The following RALGPS1 variants were observed in gnomAD, a reference collection of about 807,000 sequenced individuals.
The protein encoded by RALGPS1 is Ral GEF with PH domain and SH3 binding motif 1.
Under a neutral mutation model 78.8 loss-of-function variants are expected in RALGPS1, and 19 were observed. The ratio of observed to expected loss-of-function variants is 0.24; its 90% CI spans 0.17 to 0.35. The LOEUF (loss-of-function observed/expected upper bound fraction) is 0.35, where lower values mean the gene tolerates loss of function less well. Ranked by LOEUF, RALGPS1 falls within the 10% of genes least tolerant of loss-of-function variation. The pLI is 1.00. For synonymous variants in RALGPS1, 228 were observed against 256.3 expected, an observed-to-expected ratio of 0.89 and a Z score of 1.06; for missense variants, 454 against 688.3, an observed-to-expected ratio of 0.66 and a Z score of 3.81.
At chr9:127,173,935 C>T (rs543537246) in intron 10 of RALGPS1, among the ~76,000 whole-genome samples, 33 of 152,118 alleles carry the variant, frequency 2.2e-4, no homozygotes, top group Non-Finnish European at 4.0e-4. Context: ...ATCGCTTGAA[C>T]CTGGGAGGCA....
At chr9:127,005,831 G>T (rs1471091245) in intron 4 of RALGPS1, among the ~76,000 whole-genome samples, 1 of 152,118 alleles carries the variant, frequency 6.6e-6, no homozygotes, top group African/African-American at 2.4e-5. Flanking sequence ...CTGAAAAGTG[G>T]GCATTTTTAG....
intron 14 of RALGPS1, among the ~76,000 whole-genome samples, chr9:127,206,036 CA>C (rs2061912701): frequency 6.6e-6 from 1 of 152,250 alleles, no homozygotes; most frequent in African/African-American, 2.4e-5. Flanking sequence ...CTAGAAGGGA[CA>C]ACCCAGGGCC....
At chr9:126,992,719 T>C (rs1026856712) in intron 4 of RALGPS1, among the ~76,000 whole-genome samples, 1 of 152,230 alleles carries the variant, frequency 6.6e-6, no homozygotes, top group South Asian at 2.1e-4. Flanking sequence ...TCTTCTCTAA[T>C]TTATTTTAGT....
chr9:127,057,789 C>T (rs370867926), intron 7 of RALGPS1, among the ~76,000 whole-genome samples: 1 of 152,136 alleles, frequency 6.6e-6, no homozygotes, highest in South Asian at 2.1e-4. Context: ...TAGTCAAGGC[C>T]CCTGTCCTCA....
At chr9:127,075,605 GT>G (rs2050604712) in intron 8 of RALGPS1, among the ~76,000 whole-genome samples, 2 of 152,336 alleles carry the variant, frequency 1.3e-5, no homozygotes, top group Non-Finnish European at 2.9e-5. Context: ...GAAACCATTT[GT>G]TTTTTCTCTG....
intron 1 of RALGPS1, among the ~76,000 whole-genome samples, chr9:126,958,092 C>T (rs1397348086): frequency 2.1e-5 from 3 of 142,776 alleles, no homozygotes; most frequent in Non-Finnish European, 4.5e-5. Context: ...GATTGCAGCA[C>T]TGCACTCCAA....
At chr9:127,039,824 G>A (rs917213620) in intron 5 of RALGPS1, among the ~76,000 whole-genome samples, 14 of 152,110 alleles carry the variant, frequency 9.2e-5, no homozygotes, top group African/African-American at 3.4e-4. Context: ...ATGGGTTTGG[G>A]GAAAGCTTGA....
At chr9:127,144,074 C>T (rs953203874) in intron 8 of RALGPS1, among the ~76,000 whole-genome samples, 1 of 152,218 alleles carries the variant, frequency 6.6e-6, no homozygotes, top group African/African-American at 2.4e-5. Context: ...GGTGCTGAAG[C>T]CTGGAACCCT....
At chr9:127,036,945 T>C (rs1250265008) in intron 5 of RALGPS1, among the ~76,000 whole-genome samples, 3 of 152,204 alleles carry the variant, frequency 2.0e-5, no homozygotes, top group Middle Eastern at 3.2e-3. Flanking sequence ...CTGCGGACAA[T>C]AGACTGAGAA....
chr9:127,115,607 G>A (rs1371928506), intron 8 of RALGPS1, among the ~76,000 whole-genome samples: 1 of 152,222 alleles, frequency 6.6e-6, no homozygotes, highest in Non-Finnish European at 1.5e-5. Context: ...TCAACTGCTA[G>A]GTCCAAACCC....
intron 8 of RALGPS1, among the ~76,000 whole-genome samples, chr9:127,117,481 G>C (rs202151839): frequency 6.6e-6 from 1 of 152,240 alleles, no homozygotes; most frequent in East Asian, 1.9e-4. Flanking sequence ...AACAAGGTGG[G>C]TGAGGTCCTT....
At chr9:127,019,298 A>G (rs1266663456) in intron 4 of RALGPS1, among the ~76,000 whole-genome samples, 3 of 152,032 alleles carry the variant, frequency 2.0e-5, no homozygotes, top group African/African-American at 7.2e-5. Flanking sequence ...CTGTTGTTGC[A>G]TGCATTTACT....
intron 7 of RALGPS1, among the ~76,000 whole-genome samples, chr9:127,061,251 A>G (rs1024857742): frequency 1.3e-5 from 2 of 152,250 alleles, no homozygotes; most frequent in Non-Finnish European, 2.9e-5. Flanking sequence ...TGCTACCACC[A>G]GCAGCACAGC....
chr9:126,958,140 A>AATAT (rs1554765200), intron 1 of RALGPS1, among the ~76,000 whole-genome samples: 9 of 79,888 alleles, frequency 1.1e-4, no homozygotes, highest in African/African-American at 3.2e-4. Flanking sequence ...AAAAAAAAAA[A>AATAT]AAATATATAT....
At chr9:127,129,001 GACA>G (rs532557701) in intron 8 of RALGPS1, among the ~76,000 whole-genome samples, 403 of 152,274 alleles carry the variant, frequency 2.6e-3, no homozygotes, top group African/African-American at 9.1e-3. Context: ...GGACCGTGAG[GACA>G]ACACCTCTCC....
Position 127,086,026 on chromosome 9 carries a change from T to C in RALGPS1, c.610+16670T>C, listed in dbSNP as rs78742638. Among the ~76,000 whole-genome samples, 1,206 of 152,274 alleles carry C rather than the reference T, an allele frequency of 7.9e-3. 23 individuals carry two copies. Among genetic ancestry groups the C allele is most frequent in the African/African-American group, 0.027 (1,139 of 41,538 alleles). On this transcript the variant is annotated intron_variant, in intron 8 of 18. Coordinates refer to ENST00000259351, the MANE Select transcript of RALGPS1 (RefSeq NM_014636.3). ...GGGGTATTCTTACCAGCAGTCTGAC[T>C]TCAAGCCTCATTTCCGCCTCTTTTG...
chr9:127,118,435 A>T (rs984644699), intron 8 of RALGPS1, among the ~76,000 whole-genome samples: 1 of 152,278 alleles, frequency 6.6e-6, no homozygotes, highest in Non-Finnish European at 1.5e-5. Context: ...TTCACAAAAA[A>T]GAAATGCTAT....
chr9:127,176,738 C>A (rs1020437603), intron 11 of RALGPS1, among the ~76,000 whole-genome samples: 15 of 152,212 alleles, frequency 9.9e-5, no homozygotes, highest in Admixed American at 9.8e-4. Flanking sequence ...TCCCGGTGCC[C>A]CTTCCTGCTG....
chr9:127,023,459 C>G (rs1358053360), intron 4 of RALGPS1, among the ~76,000 whole-genome samples: 1 of 152,192 alleles, frequency 6.6e-6, no homozygotes, highest in East Asian at 1.9e-4. Flanking sequence ...TTTTCTTCCT[C>G]TTTCCTTGCT....
Sources: allele counts gnomAD v4.1 joint callset (sites outside exome capture counted in the v4.1 genomes callset), GRCh38; gene constraint gnomAD v4.1.1; transcripts MANE v1.5; gene names NCBI Gene and HGNC (gene_info 2026-07-23, HGNC 2026-07-21).